CALN1: variants seen among roughly 807,000 people sequenced by gnomAD.
CALN1 encodes the protein calneuron 1, also known as calcium-binding protein 8.
A neutral mutation model predicts 30.6 loss-of-function variants in CALN1; 17 were observed. The ratio of observed to expected loss-of-function variants is 0.56; its 90% CI spans 0.38 to 0.83. The LOEUF (loss-of-function observed/expected upper bound fraction) is 0.83, where lower values mean the gene tolerates loss of function less well. Ranked by LOEUF, CALN1 falls within the 40% of genes least tolerant of loss-of-function variation. The pLI is 0.00. For synonymous variants in CALN1, 156 were observed against 131.4 expected, an observed-to-expected ratio of 1.19 and a Z score of -1.28; for missense variants, 291 against 354.9, an observed-to-expected ratio of 0.82 and a Z score of 1.45.
rs151049364 is a variant in CALN1, at chr7:72,357,494, A to T, written c.119+45757T>A. On this transcript the variant is annotated intron_variant, in intron 2 of 6. Transcript: ENST00000395275. ...TAAAGGTAGAGAAAAGTGTGTGCTG[A>T]TACCACCCCCAACCCATCCCTAATC... is the stretch of plus-strand genomic sequence containing the variant. Among the ~76,000 whole-genome samples, 11 of 152,032 alleles carry T rather than the reference A, an allele frequency of 7.2e-5. No homozygotes were observed. The East Asian group carries it at 1.7e-3, about 24-fold the overall frequency.
intron 1 of CALN1, among the ~76,000 whole-genome samples, chr7:72,434,941 T>C (rs1258249267): frequency 1.3e-5 from 2 of 152,122 alleles, no homozygotes; most frequent in Non-Finnish European, 2.9e-5. Flanking sequence ...AAAGGCAGGG[T>C]AGGGGCCACG....
intron 5 of CALN1, among the ~76,000 whole-genome samples, chr7:71,930,758 T>C (rs1795509047): frequency 1.3e-5 from 2 of 152,238 alleles, no homozygotes; most frequent in Non-Finnish European, 2.9e-5. Context: ...GTGTGTATTC[T>C]GGTGTCCCAG....
At chr7:71,795,268 C>T (rs1374288176) in intron 6 of CALN1, among the ~76,000 whole-genome samples, 1 of 152,110 alleles carries the variant, frequency 6.6e-6, no homozygotes, top group Non-Finnish European at 1.5e-5. Flanking sequence ...GATCCATCCG[C>T]CTCGGCCTCC....
rs111960697 is a variant in CALN1 at position 71,911,583 on chromosome 7, T to A, written c.502-101091A>T. 7.8e-3 allele frequency among the ~76,000 whole-genome samples: 1,186 copies of A among 152,262 alleles called. 13 individuals carry two copies. The highest frequency in any genetic ancestry group is 0.027 in the African/African-American group (1,107 of 41,544). On this transcript the variant is annotated intron_variant, in intron 5 of 6. Coordinates refer to ENST00000395275, the MANE Select transcript of CALN1 (RefSeq NM_031468.4). The stretch of plus-strand genomic sequence containing the variant: ...ATTATTATAAAACCTCAGCTCTCCA[T>A]CTCTGATTAGAACTTCAGGAGCTGG...
intron 6 of CALN1, among the ~76,000 whole-genome samples, chr7:71,795,841 CAG>C: frequency 1.2e-5 from 1 of 82,476 alleles, no homozygotes; most frequent in South Asian, 5.0e-4. Flanking sequence ...TTTTTTGAGA[CAG>C]AGTCTTGCTC....
At chr7:72,411,897 G>C (rs1029771525) in intron 1 of CALN1, among the ~76,000 whole-genome samples, 161 bp downstream of exon 1, 1 of 152,168 alleles carries the variant, frequency 6.6e-6, no homozygotes, top group Non-Finnish European at 1.5e-5. Context: ...CTCTTTTAGA[G>C]AGGTATCATA....
the CALN1 span, among the ~76,000 whole-genome samples, chr7:72,494,593 C>T: frequency 1.3e-5 from 2 of 152,140 alleles, no homozygotes; most frequent in Non-Finnish European, 2.9e-5. Flanking sequence ...AAAGGCAACA[C>T]AGGCCGGGCG....
chr7:72,320,834 CAAAAAAAA>C (rs56192893), intron 2 of CALN1, among the ~76,000 whole-genome samples: 1 of 67,154 alleles, frequency 1.5e-5, no homozygotes, highest in Non-Finnish European at 2.8e-5. Context: ...GACTCCATCT[CAAAAAAAA>C]AAAAAAAAAA....
intron 3 of CALN1, among the ~76,000 whole-genome samples, chr7:72,128,571 T>C (rs1407735336): frequency 6.6e-6 from 1 of 152,210 alleles, no homozygotes; most frequent in Admixed American, 6.5e-5. Context: ...CAGTAAGTTC[T>C]ATATAAATCT....
At chr7:72,257,691 C>A (rs1796005202) in intron 3 of CALN1, among the ~76,000 whole-genome samples, 2 of 152,144 alleles carry the variant, frequency 1.3e-5, no homozygotes, top group South Asian at 4.1e-4. Context: ...TTCGCAACTG[C>A]AAAAATGTGG....
intron 2 of CALN1, among the ~76,000 whole-genome samples, chr7:72,320,551 G>A (rs999017307): frequency 1.3e-5 from 2 of 152,058 alleles, no homozygotes; most frequent in African/African-American, 4.8e-5. Flanking sequence ...AATTACAGAG[G>A]CAGCTGGAAG....
intron 3 of CALN1, among the ~76,000 whole-genome samples, chr7:72,136,178 G>T (rs563457747): frequency 2.6e-5 from 2 of 77,510 alleles, no homozygotes; most frequent in African/African-American, 6.7e-5. Context: ...TAAAGGGCTG[G>T]TTTTTTCTGC....
At chr7:72,314,366 CATAT>C (rs371418054) in intron 2 of CALN1, among the ~76,000 whole-genome samples, 43 of 81,842 alleles carry the variant, frequency 5.3e-4, no homozygotes, top group African/African-American at 1.2e-3. Flanking sequence ...TATACATATA[CATAT>C]ATACACATAT....
Position 72,271,579 on chromosome 7 carries a change from T to A in CALN1, c.244+7107A>T, listed in dbSNP as rs369429145. On this transcript the variant is annotated intron_variant, in intron 3 of 6. Transcript: ENST00000395275. The stretch of plus-strand genomic sequence containing the variant: ...GCCTGCCTTTTAAAAAAAAAAAATA[T>A]ATATATATATATATAGTTTTCAGCA... 5.8e-3 allele frequency among the ~76,000 whole-genome samples: 302 copies of A among 51,778 alleles called. 21 individuals carry two copies. The highest frequency in any genetic ancestry group is 0.017 in the African/African-American group (106 of 6,282). The allele number at this position is 51,778 out of a possible 152,430, so 34.0% of individuals were successfully genotyped here. A position where few individuals can be genotyped will look rare whatever the true frequency, so the allele number is the denominator to read the frequency against.
At chr7:72,396,266 A>AAGAAAG (rs1216054342) in intron 2 of CALN1, among the ~76,000 whole-genome samples, 17 of 135,708 alleles carry the variant, frequency 1.3e-4, no homozygotes, top group Non-Finnish European at 2.2e-4. Flanking sequence ...AAGAAAGAAA[A>AAGAAAG]AGAAAAATTA....
chr7:72,247,138 C>A (rs193043461), intron 3 of CALN1, among the ~76,000 whole-genome samples: 2 of 151,994 alleles, frequency 1.3e-5, no homozygotes, highest in East Asian at 3.9e-4. Flanking sequence ...CCTATCCCCA[C>A]CCAGATAGTT....
At chr7:72,182,626 G>A (rs536181630) in intron 3 of CALN1, among the ~76,000 whole-genome samples, 74 of 151,984 alleles carry the variant, frequency 4.9e-4, no homozygotes, top group Non-Finnish European at 7.4e-4. Context: ...AGGCTGAGGC[G>A]GGAGAATGGC....
rs149406128 is a variant in CALN1 at position 71,811,804 on chromosome 7, G to A, written c.502-1312C>T. Among the ~76,000 whole-genome samples the A allele has an allele frequency of 8.2e-3, 1,243 of 151,296 alleles. 11 individuals are homozygous for A. Among genetic ancestry groups the A allele is most frequent in the Non-Finnish European group, 0.014 (954 of 67,858 alleles). On this transcript the variant is annotated intron_variant, in intron 5 of 6. Coordinates refer to ENST00000395275, the MANE Select transcript of CALN1 (RefSeq NM_031468.4). ...AGCAATTCTCCTTCCTCAGCCTCCC[G>A]AGTAGCTGGGATTACAGGTGTGCAC... is the stretch of plus-strand genomic sequence containing the variant.
chr7:72,271,575 A>AAAAAAAAATATATATATATAT lies in CALN1; in HGVS notation c.244+7110_244+7111insATATATATATATATTTTTTTT. 1.1e-3 allele frequency among the ~76,000 whole-genome samples: 59 copies of AAAAAAAAATATATATATATAT among 52,118 alleles called. 1 individual carries two copies. Among genetic ancestry groups the AAAAAAAAATATATATATATAT allele is most frequent in the African/African-American group, 4.0e-3 (30 of 7,444 alleles). 34.2% of individuals were successfully genotyped at this position (52,118 alleles called of 152,430 possible). A position where few individuals can be genotyped will look rare whatever the true frequency, so the allele number is the denominator to read the frequency against. ...CTGTGCCTGCCTTTTAAAAAAAAAA[A>AAAAAAAAATATATATATATAT]ATATATATATATATATATAGTTTTC... On this transcript the variant is annotated intron_variant, in intron 3 of 6. Transcript: ENST00000395275.
Sources: allele counts gnomAD v4.1 joint callset (sites outside exome capture counted in the v4.1 genomes callset), GRCh38; gene constraint gnomAD v4.1.1; transcripts MANE v1.5; gene names NCBI Gene and HGNC (gene_info 2026-07-23, HGNC 2026-07-21).